Variants in ZNF77 observed in about 807,000 individuals in gnomAD.
The protein encoded by ZNF77 is ZNFpT1.
Under a neutral mutation model 13.5 loss-of-function variants are expected in ZNF77, and 15 were observed. The observed-to-expected ratio is 1.11, with a 90% CI of 0.74 to 1.71. The LOEUF is 1.71. Ranked by LOEUF, ZNF77 falls within the 40% of genes most tolerant of loss-of-function variation. The probability of loss-of-function intolerance (pLI) is 0.00; values close to 1 mark genes in which losing one functional copy is unlikely to be tolerated. For synonymous variants in ZNF77, 282 were observed against 250.0 expected (o/e 1.13, Z -1.21); for missense variants, 717 against 676.4 (o/e 1.06, Z -0.67).
At chr19:2,936,340 G>A (rs1329775105) in intron 3 of ZNF77, among the ~76,000 whole-genome samples, 184 bp downstream of exon 3, 1 of 152,088 alleles carries the variant, frequency 6.6e-6, no homozygotes, top group Non-Finnish European at 1.5e-5. Flanking sequence ...GTAGAGATGG[G>A]GTTTCTCCGT....
intron 1 of ZNF77, 126 bp from the exon 2 acceptor site, chr19:2,939,533 C>G (rs1354015662): frequency 7.1e-7 from 1 of 1,406,110 alleles, no homozygotes; most frequent in African/African-American, 1.4e-5. Context: ...GAGAGGTGAC[C>G]AACAGTATGA....
chr19:2,941,551 G>A (rs2088448689), intron 1 of ZNF77, among the ~76,000 whole-genome samples: 1 of 152,126 alleles, frequency 6.6e-6, no homozygotes, highest in Non-Finnish European at 1.5e-5. Context: ...AGGGGTGAGT[G>A]GTGGATTCTA....
chr19:2,938,167 G>A (rs1162636357), intron 2 of ZNF77, among the ~76,000 whole-genome samples: 1 of 152,170 alleles, frequency 6.6e-6, no homozygotes, highest in South Asian at 2.1e-4. Flanking sequence ...GCCCTTACAG[G>A]AGTCCTTCCT....
At chr19:2,940,070 G>C (rs1325075824) in intron 1 of ZNF77, among the ~76,000 whole-genome samples, 1 of 151,982 alleles carries the variant, frequency 6.6e-6, no homozygotes, top group Non-Finnish European at 1.5e-5. Context: ...TATAATATCA[G>C]CACTTTGGGA....
intron 1 of ZNF77, among the ~76,000 whole-genome samples, chr19:2,940,821 G>A (rs1326899391): frequency 2.0e-5 from 3 of 151,882 alleles, no homozygotes; most frequent in Admixed American, 6.6e-5. Context: ...ACTTGAGGAC[G>A]TTTCCACTGA....
chr19:2,938,061 G>T (rs2088413405), intron 2 of ZNF77, among the ~76,000 whole-genome samples: 1 of 151,998 alleles, frequency 6.6e-6, no homozygotes, highest in South Asian at 2.1e-4. Context: ...GCGGCCAGGG[G>T]TTTGTACTTC....
Position 2,934,579 on chromosome 19 carries a change from G to A in ZNF77, c.548C>T (p.Thr183Met), listed in dbSNP as rs182952893. The A allele has an allele frequency of 9.9e-6, 16 of 1,614,136 alleles. No individual in the cohort carries two copies. The highest frequency in any genetic ancestry group is 8.3e-5 in the Admixed American group (5 of 59,996). Residue 183 changes from threonine to methionine, a missense_variant, in exon 4 of 4, where the codon ACG (threonine) becomes ATG (methionine). Physicochemically the swap from Thr to Met is moderately conservative, Grantham distance 81. Transcript: ENST00000314531. ...CLSCQSPPMK[T>M]QTVEKPCNCQ... The stretch of plus-strand genomic sequence containing the variant: ...ATTACAGGGTTTCTCTACAGTCTGC[G>A]TTTTCATAGGAGGGCTTTGGCAGGA...
intron 1 of ZNF77, among the ~76,000 whole-genome samples, chr19:2,941,174 C>CA (rs142541120): frequency 0.28 from 17,275 of 61,200 alleles, 2,071 homozygotes; most frequent in African/African-American, 0.32. Context: ...CGCCCTACCT[C>CA]AAAAAAAAAA....
chr19:2,942,997 G>C (rs2088463508), intron 1 of ZNF77, among the ~76,000 whole-genome samples: 1 of 152,070 alleles, frequency 6.6e-6, no homozygotes, highest in East Asian at 1.9e-4. Context: ...GGCCAGGCTG[G>C]TCTTGAACTC....
At chr19:2,944,717 C>A (rs1599623577) in intron 1 of ZNF77, 121 bp downstream of exon 1, 1 of 1,346,572 alleles carries the variant, frequency 7.4e-7, no homozygotes, top group Non-Finnish European at 9.7e-7. Context: ...GGGGCCCAGG[C>A]GCTCGTCGTG....
intron 1 of ZNF77, among the ~76,000 whole-genome samples, chr19:2,940,598 A>C (rs1352543909): frequency 6.6e-6 from 1 of 151,052 alleles, no homozygotes; most frequent in African/African-American, 2.4e-5. Context: ...ACTTGAACCC[A>C]GGAGGCAGAG....
intron 3 of ZNF77, 79 bp downstream of exon 3, chr19:2,936,445 A>G (rs7251272): frequency 0.93 from 1,350,579 of 1,455,298 alleles, 630,311 homozygotes; most frequent in Middle Eastern, 0.96. Context: ...CCCTGTGCCC[A>G]GCCGATACTT....
At chr19:2,943,276 C>A (rs2088466146) in intron 1 of ZNF77, among the ~76,000 whole-genome samples, 1 of 151,850 alleles carries the variant, frequency 6.6e-6, no homozygotes, top group African/African-American at 2.4e-5. Flanking sequence ...TCCAACTAAC[C>A]CTTCTCCCTA....
chr19:2,934,607 G>A lies in ZNF77; in HGVS notation c.520C>T (p.Leu174Phe). 6.2e-7 allele frequency: 1 copy of A among 1,614,092 alleles called. No homozygotes were observed. The highest frequency in any genetic ancestry group is 8.5e-7 in the Non-Finnish European group (1 of 1,179,974). Residue 174 changes from leucine (L) to phenylalanine (F), a missense_variant, in exon 4 of 4, where the codon CTC (leucine) becomes TTC (phenylalanine). Transcript: ENST00000314531. ...CKECGQACSC[L>F]SCQSPPMKTQ... The stretch of plus-strand genomic sequence containing the variant: ...TTCATAGGAGGGCTTTGGCAGGAGA[G>A]GCAGCTGCAGGCTTGCCCACATTCC...
At chr19:2,940,301 A>G (rs2088437616) in intron 1 of ZNF77, among the ~76,000 whole-genome samples, 1 of 152,104 alleles carries the variant, frequency 6.6e-6, no homozygotes. Flanking sequence ...AGACAGGCAG[A>G]TCACTTGAGT....
chr19:2,934,166 C>G lies in ZNF77; in HGVS notation c.961G>C (p.Glu321Gln). 1 of 1,614,184 alleles carries G rather than the reference C, an allele frequency of 6.2e-7. No individual in the cohort carries two copies. The highest frequency in any genetic ancestry group is 8.5e-7 in the Non-Finnish European group (1 of 1,180,022). The change falls in exon 4 of 4, where the codon GAG becomes CAG. Residue 321 changes from glutamate (E) to glutamine (Q), a missense_variant. By Grantham distance (29) the Glu-to-Gln change is conservative. Transcript: ENST00000314531. The stretch of plus-strand genomic sequence containing the variant: ...CAATGTTTACACTGACAGGGTTTCT[C>G]TCCAGTGTGCGTCCTCACGTGATCT... ...FRDHVRTHTG[E>Q]KPCQCKHCGK... is the part of the protein sequence containing the mutation.
intron 1 of ZNF77, chr19:2,939,768 T>G (rs959305836): frequency 7.8e-5 from 21 of 268,454 alleles, no homozygotes; most frequent in Non-Finnish European, 1.5e-4. Context: ...GGCCAGGAGT[T>G]GGCGACCAGC....
At chr19:2,936,785 A>G in intron 2 of ZNF77, 81 bp from the exon 3 acceptor site, 1 of 1,302,770 alleles carries the variant, frequency 7.7e-7, no homozygotes, top group Non-Finnish European at 1.1e-6. Flanking sequence ...TTCTTTTCAT[A>G]TAGTAATCCA....
chr19:2,939,008 C>CCCTTACCCAAGGAG (rs1568193638), intron 2 of ZNF77, among the ~76,000 whole-genome samples: 1 of 137,966 alleles, frequency 7.2e-6, no homozygotes, highest in African/African-American at 2.7e-5. Flanking sequence ...CTCTCCAGGA[C>CCCTTACCCAAGGAG]GCAGTGAGGG....
Sources: allele counts gnomAD v4.1 joint callset (sites outside exome capture counted in the v4.1 genomes callset), GRCh38; gene constraint gnomAD v4.1.1; transcripts MANE v1.5; gene names NCBI Gene and HGNC (gene_info 2026-07-23, HGNC 2026-07-21).